The following PPP3CC variants were observed in gnomAD, a reference collection of about 807,000 sequenced individuals.
The protein encoded by PPP3CC is serine/threonine-protein phosphatase 2B catalytic subunit gamma isoform.
A neutral mutation model predicts 60.3 loss-of-function variants in PPP3CC; 35 were observed. That is an observed-to-expected ratio of 0.58 (90% confidence interval 0.44 to 0.77). The LOEUF (loss-of-function observed/expected upper bound fraction) is 0.77. PPP3CC is among the 30% of genes least tolerant of loss of function. The probability of loss-of-function intolerance (pLI) is 0.00; values close to 1 mark genes in which losing one functional copy is unlikely to be tolerated. For missense variants in PPP3CC, 570 were observed against 628.9 expected (o/e 0.91, Z 1.00); for synonymous variants, 206 against 224.3 (o/e 0.92, Z 0.73).
chr8:22,499,378 G>T (rs1467366941), intron 4 of PPP3CC, among the ~76,000 whole-genome samples: 1 of 151,132 alleles, frequency 6.6e-6, no homozygotes, highest in Non-Finnish European at 1.5e-5. Flanking sequence ...AGCGGAGCTT[G>T]CAGTGAGCCG....
intron 6 of PPP3CC, among the ~76,000 whole-genome samples, chr8:22,515,093 C>T (rs371474009): frequency 3.2e-4 from 48 of 152,058 alleles, no homozygotes; most frequent in South Asian, 1.0e-3. Context: ...CTGTTTTTTT[C>T]GACCCATTAA....
At chr8:22,512,453 G>C (rs1012385935) in intron 5 of PPP3CC, among the ~76,000 whole-genome samples, 4 of 152,026 alleles carry the variant, frequency 2.6e-5, no homozygotes, top group Non-Finnish European at 5.9e-5. Flanking sequence ...AGTGACTAAA[G>C]GCTTAAGTTA....
intron 4 of PPP3CC, among the ~76,000 whole-genome samples, chr8:22,510,601 G>A (rs762537399): frequency 2.6e-5 from 4 of 152,140 alleles, no homozygotes; most frequent in Admixed American, 6.5e-5. Context: ...AGTGCATACC[G>A]CAGTCCAGCA....
chr8:22,500,892 GCCTGTAAT>G (rs1196735551), intron 4 of PPP3CC, among the ~76,000 whole-genome samples: 1 of 152,170 alleles, frequency 6.6e-6, no homozygotes, highest in Non-Finnish European at 1.5e-5. Context: ...GGTGGCTCAT[GCCTGTAAT>G]CCCAGTACTT....
chr8:22,474,965 C>A lies in PPP3CC; in HGVS notation c.61C>A (p.Pro21Thr). The A allele has an allele frequency of 6.3e-7, 1 of 1,583,346 alleles. No homozygotes were observed. Among genetic ancestry groups the A allele is most frequent in the South Asian group, 1.2e-5 (1 of 83,338 alleles). ...TDRVIKAVPF[P>T]PTQRLTFKEV... ...TTATTTTTTTGTAGCTGTCCCCTTT[C>A]CTCCAACCCAACGGCTTACTTTCAA... Residue 21 changes from proline to threonine, a missense_variant, in exon 2 of 14, where the codon CCT (proline) becomes ACT (threonine). Coordinates refer to ENST00000240139, the MANE Select transcript of PPP3CC (RefSeq NM_005605.5).
At chr8:22,511,472 G>A (rs542852891) in intron 5 of PPP3CC, among the ~76,000 whole-genome samples, 339 of 152,204 alleles carry the variant, frequency 2.2e-3, no homozygotes, top group Non-Finnish European at 3.9e-3. Flanking sequence ...GTTTCACCAT[G>A]TTGGCCAGGC....
At chr8:22,524,541 C>T (rs1839490419) in intron 8 of PPP3CC, among the ~76,000 whole-genome samples, 1 of 152,140 alleles carries the variant, frequency 6.6e-6, no homozygotes, top group Non-Finnish European at 1.5e-5. Flanking sequence ...CTGATATTTC[C>T]AGTATATTAG....
intron 3 of PPP3CC, among the ~76,000 whole-genome samples, chr8:22,478,017 A>C (rs1837948223): frequency 6.6e-6 from 1 of 151,956 alleles, no homozygotes; most frequent in African/African-American, 2.4e-5. Context: ...CGTCTGGCTA[A>C]TTTTTTGTAT....
chr8:22,539,603 T>A, intron 13 of PPP3CC, 105 bp downstream of exon 13: 2 of 1,184,864 alleles, frequency 1.7e-6, no homozygotes, highest in Non-Finnish European at 2.4e-6. Context: ...ACCAGAACTA[T>A]AACAGTGAGA....
chr8:22,483,134 G>A (rs774211401), intron 3 of PPP3CC, among the ~76,000 whole-genome samples: 1 of 152,156 alleles, frequency 6.6e-6, no homozygotes. Context: ...AAAACCTCTT[G>A]CAGTTTTACT....
intron 1 of PPP3CC, among the ~76,000 whole-genome samples, chr8:22,460,569 T>C (rs1242670805): frequency 6.6e-6 from 1 of 152,014 alleles, no homozygotes; most frequent in Non-Finnish European, 1.5e-5. Context: ...TCTGTAAACC[T>C]GGCACTTTGG....
chr8:22,522,135 ACACG>A (rs1016665313), intron 6 of PPP3CC, among the ~76,000 whole-genome samples: 2 of 109,568 alleles, frequency 1.8e-5, no homozygotes, highest in East Asian at 2.9e-4. Context: ...TACTACACAC[ACACG>A]CACACACACA....
intron 12 of PPP3CC, among the ~76,000 whole-genome samples, chr8:22,536,883 C>T (rs894532442): frequency 6.6e-6 from 1 of 152,028 alleles, no homozygotes; most frequent in Non-Finnish European, 1.5e-5. Context: ...GAGGGATTGG[C>T]GTGAGTTACA....
At chr8:22,482,856 C>T (rs377074577) in intron 3 of PPP3CC, among the ~76,000 whole-genome samples, 73 of 152,180 alleles carry the variant, frequency 4.8e-4, no homozygotes, top group African/African-American at 1.7e-3. Context: ...GAAAACATAG[C>T]TTTTTTAGGC....
chr8:22,478,159 C>CT (rs971358774), intron 3 of PPP3CC, among the ~76,000 whole-genome samples: 18 of 142,956 alleles, frequency 1.3e-4, no homozygotes, highest in South Asian at 9.0e-4. Flanking sequence ...AATAAAACAA[C>CT]TTTTTTTTTT....
rs771141270 is a variant in PPP3CC at position 22,513,316 on chromosome 8, C to T, written c.654C>T (p.Pro218=). The T allele has an allele frequency of 7.4e-6, 12 of 1,612,396 alleles. No individual in the cohort carries two copies. Among genetic ancestry groups the T allele is most frequent in the South Asian group, 6.6e-5 (6 of 90,742 alleles). ...AGTTAGACAGGTTTACGGAACCTCC[C>T]GCCTTTGGACCTGTGTGTGACCTGC... The part of the protein sequence containing the change: ...IRKLDRFTEP[P]AFGPVCDLLW... The change falls in exon 6 of 14, where the codon CCC becomes CCT. Residue 218 remains proline (P), a synonymous_variant. Transcript: ENST00000240139.
intron 1 of PPP3CC, among the ~76,000 whole-genome samples, chr8:22,463,988 A>C (rs370876302): frequency 6.6e-6 from 1 of 152,038 alleles, no homozygotes; most frequent in African/African-American, 2.4e-5. Flanking sequence ...GGGTTTCACC[A>C]TGTTGGTCAG....
At chr8:22,483,554 G>A (rs1838134266) in intron 3 of PPP3CC, among the ~76,000 whole-genome samples, 1 of 152,108 alleles carries the variant, frequency 6.6e-6, no homozygotes, top group Non-Finnish European at 1.5e-5. Context: ...CCAAAGTGCT[G>A]GGATTATAGG....
chr8:22,491,392 A>C (rs1039092278), intron 3 of PPP3CC, among the ~76,000 whole-genome samples: 1 of 152,216 alleles, frequency 6.6e-6, no homozygotes, highest in African/African-American at 2.4e-5. Flanking sequence ...GGTATAAAGT[A>C]GTATTCTACT....
Sources: gnomAD v4.1 joint callset for allele counts (sites outside exome capture counted in the v4.1 genomes callset) on GRCh38, gnomAD v4.1.1 for gene constraint, MANE v1.5 for transcripts, NCBI Gene and HGNC (gene_info 2026-07-23, HGNC 2026-07-21) for gene names.